Variants in AGAP1 observed in about 807,000 individuals in gnomAD.
AGAP1 encodes ArfGAP with GTPase domain, ankyrin repeat and PH domain 1, also known as arf-GAP with GTPase, ANK repeat and PH domain-containing protein 1.
AGAP1 carries 29 observed loss-of-function variants against 105.3 expected under a neutral mutation model. That is an observed-to-expected ratio of 0.28 (90% CI 0.21 to 0.38). The LOEUF is 0.38. Ranked by LOEUF, AGAP1 falls within the 10% of genes least tolerant of loss-of-function variation. The pLI is 1.00. For synonymous variants in AGAP1, 509 were observed against 485.9 expected (o/e 1.05, Z -0.63); for missense variants, 998 against 1,165.1 (o/e 0.86, Z 2.09).
chr2:235,796,289 G>A (rs866422488), intron 6 of AGAP1, among the ~76,000 whole-genome samples: 2 of 152,286 alleles, frequency 1.3e-5, no homozygotes, highest in Middle Eastern at 3.4e-3. Context: ...TGCATCTGTT[G>A]AAATCTTAGA....
At chr2:235,800,601 A>T (rs1266656548) in intron 8 of AGAP1, among the ~76,000 whole-genome samples, 1 of 152,176 alleles carries the variant, frequency 6.6e-6, no homozygotes, top group East Asian at 1.9e-4. Flanking sequence ...CTTGAGAAGA[A>T]CGCTTTTCCT....
intron 1 of AGAP1, among the ~76,000 whole-genome samples, chr2:235,643,771 G>A (rs186706638): frequency 1.2e-3 from 180 of 152,140 alleles, no homozygotes; most frequent in South Asian, 3.1e-3. Context: ...CTGCTGCAGC[G>A]CACTGTTGAA....
Position 235,842,779 on chromosome 2 carries a change from G to A in AGAP1, c.1050+35448G>A. Among the ~76,000 whole-genome samples, 1 of 152,056 alleles carries A rather than the reference G, an allele frequency of 6.6e-6. No homozygotes were observed. The highest frequency in any genetic ancestry group is 1.5e-5 in the Non-Finnish European group (1 of 68,008). ...GTCTCACTCTGTCACCCAGGCCCGAGTGCAGTGGCACGGTCTTGGTTCACT... is the reference window on the plus strand; with the variant it reads ...GTCTCACTCTGTCACCCAGGCCCGAATGCAGTGGCACGGTCTTGGTTCACT... On this transcript the variant is annotated intron_variant, in intron 9 of 17. Coordinates refer to ENST00000304032, the MANE Select transcript of AGAP1 (RefSeq NM_001037131.3). The surrounding 1 kb of genome is among the most constrained non-coding windows in gnomAD (Gnocchi z 5.3).
intron 9 of AGAP1, among the ~76,000 whole-genome samples, chr2:235,847,032 C>T (rs989701746): frequency 2.0e-5 from 3 of 152,174 alleles, no homozygotes; most frequent in African/African-American, 7.2e-5. Context: ...ACATGTTGAG[C>T]AAAATGCTAG....
intron 16 of AGAP1, among the ~76,000 whole-genome samples, chr2:236,115,372 A>C (rs571371534): frequency 5.8e-4 from 89 of 152,266 alleles, no homozygotes; most frequent in African/African-American, 2.0e-3. Flanking sequence ...AAGTTATTAG[A>C]AAGGCGAACG....
chr2:235,622,435 A>G lies in AGAP1; in HGVS notation c.164-86744A>G, dbSNP rs1222847375. On this transcript the variant is annotated intron_variant, in intron 1 of 17. Coordinates refer to ENST00000304032, the MANE Select transcript of AGAP1 (RefSeq NM_001037131.3). This position sits in a 1 kb window ranked among gnomAD's most constrained non-coding sequence, Gnocchi z 5.0. The stretch of plus-strand genomic sequence containing the variant: ...TCCGCCCATCTCACTGGGGTGATGA[A>G]TGGATCTAGACCTGGTGCCTGGACT... Among the ~76,000 whole-genome samples the G allele has an allele frequency of 1.3e-5, 2 of 152,180 alleles. No homozygotes were observed. The highest frequency in any genetic ancestry group is 3.9e-4 in the East Asian group (2 of 5,190).
At chr2:236,072,410 A>G (rs1312668900) in intron 16 of AGAP1, 1 of 150,978 alleles carries the variant, frequency 6.6e-6, no homozygotes, top group Non-Finnish European at 1.5e-5. Flanking sequence ...GCACCGCTGC[A>G]CTCCAGCCCG....
intron 9 of AGAP1, among the ~76,000 whole-genome samples, chr2:235,829,584 AT>A (rs1959192285): frequency 6.6e-6 from 1 of 152,222 alleles, no homozygotes; most frequent in South Asian, 2.1e-4. Flanking sequence ...CTTGTGAAAA[AT>A]TAATCATGAT....
At chr2:235,834,825 G>T (rs1110084) in intron 9 of AGAP1, among the ~76,000 whole-genome samples, 69,961 of 152,074 alleles carry the variant, frequency 0.46, 18,489 homozygotes, top group East Asian at 0.8. Flanking sequence ...GAATATCCAG[G>T]CCCTTAGAGG....
At chr2:235,770,513 C>T (rs552295837) in intron 6 of AGAP1, among the ~76,000 whole-genome samples, 5 of 152,138 alleles carry the variant, frequency 3.3e-5, no homozygotes, top group South Asian at 4.2e-4. Flanking sequence ...CTGCAACTGC[C>T]GCCTCCTAGG....
At chr2:236,054,197 T>C (rs1486690063) in intron 16 of AGAP1, among the ~76,000 whole-genome samples, 1 of 152,154 alleles carries the variant, frequency 6.6e-6, no homozygotes, top group Non-Finnish European at 1.5e-5. Context: ...CTGAAAATAA[T>C]TGGATCCCTA....
chr2:235,647,738 T>C (rs1226399873), intron 1 of AGAP1, among the ~76,000 whole-genome samples: 1 of 152,068 alleles, frequency 6.6e-6, no homozygotes, highest in Non-Finnish European at 1.5e-5. Flanking sequence ...GTTGACAATA[T>C]AGGTTTTTAG....
chr2:235,880,287 G>T (rs1297985024), intron 9 of AGAP1, among the ~76,000 whole-genome samples: 4 of 152,070 alleles, frequency 2.6e-5, no homozygotes, highest in Non-Finnish European at 5.9e-5. Context: ...CCAGCCAGAA[G>T]AGTGGTGCAA....
intron 1 of AGAP1, among the ~76,000 whole-genome samples, chr2:235,539,529 G>A (rs147038993): frequency 1.2e-4 from 19 of 152,298 alleles, no homozygotes; most frequent in Non-Finnish European, 2.2e-4. Context: ...TTTGGGTTGT[G>A]TCTATTTTGG....
At chr2:235,898,494 G>A (rs972089828) in intron 10 of AGAP1, among the ~76,000 whole-genome samples, 7 of 40,534 alleles carry the variant, frequency 1.7e-4, no homozygotes, top group African/African-American at 2.8e-4. Flanking sequence ...CCCCACCCCC[G>A]CCTGTGCTAC....
rs1006900992 is a variant in AGAP1, at chr2:235,815,012, A to T, written c.1050+7681A>T. On this transcript the variant is annotated intron_variant, in intron 9 of 17. Transcript: ENST00000304032. ...GAGATGATGGGGGTTCTGATGTACC[A>T]GAGTCTTGGCGGTAACCAGCGTTTA... 2.0e-5 allele frequency among the ~76,000 whole-genome samples: 3 copies of T among 152,146 alleles called. No homozygotes were observed. In the South Asian group the frequency reaches 6.2e-4, roughly 31 times the overall value.
chr2:235,550,118 G>T lies in AGAP1; in HGVS notation c.163+55269G>T, dbSNP rs1227055135. Among the ~76,000 whole-genome samples, 1 of 152,216 alleles carries T rather than the reference G, an allele frequency of 6.6e-6. No individual in the cohort carries two copies. The highest frequency in any genetic ancestry group is 1.5e-5 in the Non-Finnish European group (1 of 68,038). The stretch of plus-strand genomic sequence containing the variant: ...AAGTGGCATGTCCACATCTGGAGTA[G>T]ACCCTGAGTGGGGCAGAACCATCAT... On this transcript the variant is annotated intron_variant, in intron 1 of 17. Transcript: ENST00000304032. The surrounding 1 kb of genome is among the most constrained non-coding windows in gnomAD (Gnocchi z 4.6).
rs1262103291 is a variant in AGAP1, at chr2:235,614,844, G to T, written c.164-94335G>T. 6.6e-6 allele frequency among the ~76,000 whole-genome samples: 1 copy of T among 152,122 alleles called. No homozygotes were observed. On this transcript the variant is annotated intron_variant, in intron 1 of 17. Coordinates refer to ENST00000304032, the MANE Select transcript of AGAP1 (RefSeq NM_001037131.3). This position sits in a 1 kb window ranked among gnomAD's most constrained non-coding sequence, Gnocchi z 4.7. ...CCTAGGGAATCAGTTTGATTCTGTG[G>T]CTATTAAATTAATGGTTTAGCTGAG... is the stretch of plus-strand genomic sequence containing the variant.
Position 235,665,265 on chromosome 2 carries a change from C to T in AGAP1, c.164-43914C>T, listed in dbSNP as rs1257491152. On this transcript the variant is annotated intron_variant, in intron 1 of 17. Coordinates refer to ENST00000304032, the MANE Select transcript of AGAP1 (RefSeq NM_001037131.3). The surrounding 1 kb of genome is among the most constrained non-coding windows in gnomAD (Gnocchi z 5.3). ...TTGGCAGGAATTGCTATCGTTGGTC[C>T]TTAAGGAAAAACACAGGAAGGATGC... Among the ~76,000 whole-genome samples, 2 of 152,102 alleles carry T rather than the reference C, an allele frequency of 1.3e-5. No homozygotes were observed. The highest frequency in any genetic ancestry group is 4.8e-5 in the African/African-American group (2 of 41,428).
Sources: allele counts gnomAD v4.1 joint callset (sites outside exome capture counted in the v4.1 genomes callset), GRCh38; gene constraint gnomAD v4.1.1; non-coding constraint Gnocchi (gnomAD v3.1); transcripts MANE v1.5; gene names NCBI Gene and HGNC (gene_info 2026-07-23, HGNC 2026-07-21).